Variants in NELL2 observed in about 807,000 individuals in gnomAD.
NELL2 encodes protein kinase C-binding protein NELL2.
NELL2 carries 41 observed loss-of-function variants against 109.6 expected under a neutral mutation model. That is an observed-to-expected ratio of 0.37 (90% confidence interval 0.29 to 0.49). The LOEUF is 0.49. NELL2 is among the 20% of genes least tolerant of loss of function. The pLI, the probability that NELL2 is intolerant of heterozygous loss-of-function variation, is 0.98. For synonymous variants in NELL2, 355 were observed against 344.7 expected, an observed-to-expected ratio of 1.03 and a Z score of -0.33; for missense variants, 900 against 1,008.3, an observed-to-expected ratio of 0.89 and a Z score of 1.45.
chr12:44,782,785 T>C (rs914243903), intron 3 of NELL2, among the ~76,000 whole-genome samples: 1 of 151,874 alleles, frequency 6.6e-6, no homozygotes, highest in Non-Finnish European at 1.5e-5. Context: ...CATGGTAAAA[T>C]CCACAATTAC....
intron 9 of NELL2, among the ~76,000 whole-genome samples, chr12:44,725,665 A>G (rs1428999560): frequency 1.3e-5 from 2 of 152,220 alleles, no homozygotes; most frequent in Admixed American, 6.5e-5. Context: ...ATGAAACACT[A>G]TGCAGCCATA....
chr12:44,557,941 G>A (rs1015213772), intron 15 of NELL2, among the ~76,000 whole-genome samples: 8 of 152,170 alleles, frequency 5.3e-5, no homozygotes, highest in Non-Finnish European at 5.9e-5. Context: ...AAATGAAAAT[G>A]GAAGAGAGGA....
At chr12:44,864,241 A>T (rs1467079997) in intron 2 of NELL2, among the ~76,000 whole-genome samples, 1 of 152,170 alleles carries the variant, frequency 6.6e-6, no homozygotes, top group Non-Finnish European at 1.5e-5. Flanking sequence ...AAGCAAATGG[A>T]TTAAATCCTG....
chr12:44,789,859 A>G (rs1434682909), intron 3 of NELL2, among the ~76,000 whole-genome samples: 1 of 152,186 alleles, frequency 6.6e-6, no homozygotes, highest in African/African-American at 2.4e-5. Flanking sequence ...AGAACTGAAC[A>G]AGTAGAAGAA....
chr12:44,900,605 C>T (rs1343121850), intron 1 of NELL2, among the ~76,000 whole-genome samples: 1 of 151,976 alleles, frequency 6.6e-6, no homozygotes, highest in Non-Finnish European at 1.5e-5. Context: ...TGGGACACAG[C>T]TAAAGCAGTG....
intron 15 of NELL2, among the ~76,000 whole-genome samples, chr12:44,548,511 C>T (rs559979375): frequency 4.0e-5 from 6 of 149,258 alleles, no homozygotes; most frequent in Admixed American, 2.0e-4. Flanking sequence ...CACCACTGCA[C>T]ACCAGCCCGG....
chr12:44,764,478 T>G (rs1245727133), intron 9 of NELL2, among the ~76,000 whole-genome samples: 2 of 152,208 alleles, frequency 1.3e-5, no homozygotes, highest in Non-Finnish European at 2.9e-5. Context: ...TATTATAAAA[T>G]CATATTTCCT....
At chr12:44,781,042 T>C (rs1192712569) in intron 3 of NELL2, among the ~76,000 whole-genome samples, 2 of 151,884 alleles carry the variant, frequency 1.3e-5, no homozygotes, top group African/African-American at 2.4e-5. Context: ...TCCAACAGAT[T>C]GTAAAAAGAA....
chr12:44,900,203 C>T (rs777077243), intron 1 of NELL2, among the ~76,000 whole-genome samples: 27 of 152,154 alleles, frequency 1.8e-4, no homozygotes, highest in Admixed American at 3.3e-4. Context: ...GACAGATCAA[C>T]GAGACAGAAA....
At position 44,840,360 on chromosome 12, in the gene NELL2, A is replaced by C. The variant is rs369838344; in HGVS notation, c.185-24224T>G. Among the ~76,000 whole-genome samples, 229 of 152,340 alleles carry C rather than the reference A, an allele frequency of 1.5e-3. 1 individual carries two copies. Among genetic ancestry groups the C allele is most frequent in the African/African-American group, 5.2e-3 (216 of 41,562 alleles). On this transcript the variant is annotated intron_variant, in intron 2 of 19. Transcript: ENST00000429094. ...TCTCACTTTCCCTTTCTAAAGGGCC[A>C]CTATAACCAAAAAGTTAAATTCCAC...
chr12:44,822,969 A>G (rs1415291858), intron 2 of NELL2, among the ~76,000 whole-genome samples: 1 of 152,134 alleles, frequency 6.6e-6, no homozygotes, highest in East Asian at 1.9e-4. Flanking sequence ...AGAGAGAGAG[A>G]GAGAAAGAAT....
chr12:44,896,518 T>C (rs956887874), intron 1 of NELL2, among the ~76,000 whole-genome samples: 2 of 152,244 alleles, frequency 1.3e-5, no homozygotes, highest in Admixed American at 1.3e-4. Flanking sequence ...TAAAGTGGTG[T>C]ATATTTCCAA....
intron 15 of NELL2, among the ~76,000 whole-genome samples, chr12:44,583,255 T>G (rs1444232504): frequency 6.6e-6 from 1 of 152,168 alleles, no homozygotes; most frequent in Non-Finnish European, 1.5e-5. Context: ...GGTATAAGAT[T>G]CAAAGCTCAA....
intron 15 of NELL2, among the ~76,000 whole-genome samples, chr12:44,574,179 C>T (rs60845296): frequency 0.056 from 8,579 of 152,072 alleles, 780 homozygotes; most frequent in African/African-American, 0.19. Flanking sequence ...TCTCGGCTCA[C>T]TGCAACCTCC....
At chr12:44,827,911 T>A (rs996679241) in intron 2 of NELL2, among the ~76,000 whole-genome samples, 1 of 152,224 alleles carries the variant, frequency 6.6e-6, no homozygotes, top group African/African-American at 2.4e-5. Flanking sequence ...GTGGATGTAC[T>A]AATTTGCATT....
At chr12:44,772,809 T>C (rs1941599948) in intron 9 of NELL2, among the ~76,000 whole-genome samples, 1 of 152,118 alleles carries the variant, frequency 6.6e-6, no homozygotes, top group South Asian at 2.1e-4. Context: ...TATGTTGTGG[T>C]CTGCTCACTG....
At chr12:44,551,377 G>T (rs777035322) in intron 15 of NELL2, among the ~76,000 whole-genome samples, 1 of 152,100 alleles carries the variant, frequency 6.6e-6, no homozygotes, top group Non-Finnish European at 1.5e-5. Context: ...TATATGTCAT[G>T]TGCATTCACA....
At chr12:44,556,460 A>G (rs1180519048) in intron 15 of NELL2, among the ~76,000 whole-genome samples, 2 of 152,196 alleles carry the variant, frequency 1.3e-5, no homozygotes, top group Non-Finnish European at 2.9e-5. Context: ...TTAGTAGGTC[A>G]TCAGTCCAAT....
At chr12:44,593,053 T>C (rs1592172305) in intron 15 of NELL2, among the ~76,000 whole-genome samples, 1 of 152,186 alleles carries the variant, frequency 6.6e-6, no homozygotes, top group Non-Finnish European at 1.5e-5. Context: ...GATGAGTCTG[T>C]CAGGCATAGG....
Sources: allele counts gnomAD v4.1 joint callset (sites outside exome capture counted in the v4.1 genomes callset), GRCh38; gene constraint gnomAD v4.1.1; transcripts MANE v1.5; gene names NCBI Gene and HGNC (gene_info 2026-07-23, HGNC 2026-07-21).